Variants in FBXW7 observed in about 807,000 individuals in gnomAD.
FBXW7 encodes F-box/WD repeat-containing protein 7.
A neutral mutation model predicts 86.3 loss-of-function variants in FBXW7; 11 were observed. The ratio of observed to expected loss-of-function variants is 0.13; its 90% CI spans 0.08 to 0.21. The LOEUF is 0.21. Ranked by LOEUF, FBXW7 falls within the 10% of genes least tolerant of loss-of-function variation. The probability of loss-of-function intolerance (pLI) is 1.00; values close to 1 mark genes in which losing one functional copy is unlikely to be tolerated. For synonymous variants in FBXW7, 313 were observed against 297.9 expected (o/e 1.05, Z -0.52); for missense variants, 488 against 847.4 (o/e 0.58, Z 5.27).
intron 9 of FBXW7, among the ~76,000 whole-genome samples, chr4:152,330,470 T>C (rs1490425425): frequency 6.6e-6 from 1 of 151,942 alleles, no homozygotes; most frequent in East Asian, 1.9e-4. Flanking sequence ...TAAAATTCAA[T>C]AGGATATTGA....
chr4:152,376,128 A>G (rs1462617055), intron 4 of FBXW7, among the ~76,000 whole-genome samples: 1 of 152,108 alleles, frequency 6.6e-6, no homozygotes, highest in Non-Finnish European at 1.5e-5. Flanking sequence ...AGGACACTGT[A>G]AAGACAAGTG....
Position 152,536,010 on chromosome 4 carries a change from GGCGGCA to G in FBXW7, c.-1102_-1097del, listed in dbSNP as rs1360600517. On this transcript the variant is annotated 5_prime_UTR_variant, in exon 1 of 14. Coordinates refer to ENST00000281708, the MANE Select transcript of FBXW7 (RefSeq NM_001349798.2). ...CGCTCTCAGTCTCAGCGGCGGCGGC[GGCGGCA>G]GCGGCAGCGGCAGCGCCCGGAGCTC... 1.8e-5 allele frequency: 4 copies of G among 225,458 alleles called. No individual in the cohort carries two copies. The highest frequency in any genetic ancestry group is 3.4e-5 in the Non-Finnish European group (4 of 117,706). The allele number at this position is 225,458 out of a possible 1,614,324, so 14.0% of individuals were successfully genotyped here. A position where few individuals can be genotyped will look rare whatever the true frequency, so the allele number is the denominator to read the frequency against.
intron 2 of FBXW7, among the ~76,000 whole-genome samples, chr4:152,470,716 A>G (rs1007367136): frequency 2.6e-5 from 4 of 152,140 alleles, no homozygotes; most frequent in African/African-American, 9.6e-5. Flanking sequence ...AATAAAAAGC[A>G]CTAAATAATA....
intron 2 of FBXW7, among the ~76,000 whole-genome samples, chr4:152,499,637 C>A (rs1746722873): frequency 6.6e-6 from 1 of 152,080 alleles, no homozygotes; most frequent in Non-Finnish European, 1.5e-5. Flanking sequence ...TCTCATATAA[C>A]CCATGAAGTA....
intron 4 of FBXW7, among the ~76,000 whole-genome samples, chr4:152,376,812 G>A (rs1176022679): frequency 6.6e-6 from 1 of 151,852 alleles, no homozygotes; most frequent in Non-Finnish European, 1.5e-5. Context: ...CCTGACCCCA[G>A]ACCCTGAAGT....
At chr4:152,419,950 G>C (rs1041754203) in intron 2 of FBXW7, among the ~76,000 whole-genome samples, 7 of 152,102 alleles carry the variant, frequency 4.6e-5, no homozygotes, top group African/African-American at 1.4e-4. Flanking sequence ...TGACTAATCA[G>C]TATGGCTGTG....
At chr4:152,471,328 C>T (rs1387461172) in intron 2 of FBXW7, among the ~76,000 whole-genome samples, 2 of 138,450 alleles carry the variant, frequency 1.4e-5, no homozygotes, top group African/African-American at 5.5e-5. Flanking sequence ...AATTTCATTA[C>T]AAACAAACAA....
intron 2 of FBXW7, among the ~76,000 whole-genome samples, chr4:152,421,873 T>C (rs1283247799): frequency 6.6e-6 from 1 of 152,180 alleles, no homozygotes; most frequent in Non-Finnish European, 1.5e-5. Context: ...TATTCTTCTA[T>C]GGGTGTGGTT....
At chr4:152,411,992 A>G in intron 3 of FBXW7, 120 bp from the exon 4 acceptor site, 1 of 888,252 alleles carries the variant, frequency 1.1e-6, no homozygotes, top group Non-Finnish European at 1.6e-6. Flanking sequence ...TGATGCCACC[A>G]AGGCATTAAA....
chr4:152,486,417 A>G (rs1028566929), intron 2 of FBXW7, among the ~76,000 whole-genome samples: 2 of 152,236 alleles, frequency 1.3e-5, no homozygotes, highest in Non-Finnish European at 2.9e-5. Flanking sequence ...CTGCACAAAA[A>G]TATTTTCTTT....
intron 2 of FBXW7, among the ~76,000 whole-genome samples, chr4:152,465,146 T>C (rs560207963): frequency 2.0e-5 from 3 of 152,206 alleles, no homozygotes; most frequent in East Asian, 1.9e-4. Flanking sequence ...GAAGCGACTA[T>C]AGACTCTAGT....
chr4:152,492,193 T>C (rs1317777023), intron 2 of FBXW7, among the ~76,000 whole-genome samples: 5 of 152,224 alleles, frequency 3.3e-5, no homozygotes, highest in Admixed American at 3.3e-4. Context: ...GATTCATCCA[T>C]GTCATGTTGT....
intron 2 of FBXW7, among the ~76,000 whole-genome samples, chr4:152,469,885 A>G (rs1250600233): frequency 6.6e-6 from 1 of 152,156 alleles, no homozygotes; most frequent in Non-Finnish European, 1.5e-5. Context: ...TTCATGTAGC[A>G]TATGTGTAAA....
At chr4:152,480,715 G>A (rs1198735556) in intron 2 of FBXW7, among the ~76,000 whole-genome samples, 2 of 152,164 alleles carry the variant, frequency 1.3e-5, no homozygotes, top group African/African-American at 2.4e-5. Context: ...ATGGACAAAG[G>A]TTTGGTGTTC....
intron 2 of FBXW7, among the ~76,000 whole-genome samples, chr4:152,473,433 A>C (rs117052949): frequency 6.6e-6 from 1 of 152,230 alleles, no homozygotes; most frequent in Admixed American, 6.5e-5. Context: ...CCTGTTGCTT[A>C]GAAAATCTTA....
At chr4:152,345,529 C>A (rs1358681575) in intron 6 of FBXW7, among the ~76,000 whole-genome samples, 1 of 152,032 alleles carries the variant, frequency 6.6e-6, no homozygotes, top group Admixed American at 6.6e-5. Flanking sequence ...CCTCTACTTA[C>A]TAGATGCCAG....
intron 2 of FBXW7, among the ~76,000 whole-genome samples, chr4:152,484,319 A>G (rs950633568): frequency 3.9e-5 from 6 of 152,196 alleles, no homozygotes; most frequent in Non-Finnish European, 8.8e-5. Flanking sequence ...GATTCTTATT[A>G]AAGAAAAAGT....
At chr4:152,462,240 A>T (rs976260976) in intron 2 of FBXW7, among the ~76,000 whole-genome samples, 3 of 152,162 alleles carry the variant, frequency 2.0e-5, no homozygotes, top group Admixed American at 6.5e-5. Flanking sequence ...CCTAAATTTT[A>T]ACTCTTCTGT....
intron 2 of FBXW7, among the ~76,000 whole-genome samples, chr4:152,509,112 G>C (rs1159356868): frequency 6.6e-6 from 1 of 152,100 alleles, no homozygotes; most frequent in African/African-American, 2.4e-5. Context: ...TCAGGTTAAA[G>C]AAAACTAAGA....
Sources: gnomAD v4.1 joint callset for allele counts (sites outside exome capture counted in the v4.1 genomes callset) on GRCh38, gnomAD v4.1.1 for gene constraint, MANE v1.5 for transcripts, NCBI Gene and HGNC (gene_info 2026-07-23, HGNC 2026-07-21) for gene names.